GIGYF2: variants seen among roughly 807,000 people sequenced by gnomAD.
GIGYF2 encodes GRB10 interacting GYF protein 2.
A neutral mutation model predicts 208.1 loss-of-function variants in GIGYF2; 25 were observed. That is an observed-to-expected ratio of 0.12 (90% CI 0.09 to 0.17). The LOEUF is 0.17. Among genes scored for constraint, GIGYF2 ranks in the 10% least tolerant of loss-of-function variants. The pLI is 1.00. For missense variants in GIGYF2, 1,302 were observed against 1,579.4 expected (o/e 0.82, Z 2.98); for synonymous variants, 534 against 543.8 (o/e 0.98, Z 0.25).
intron 8 of GIGYF2, chr2:232,768,903 A>G: frequency 1.7e-6 from 2 of 1,185,900 alleles, no homozygotes; most frequent in Non-Finnish European, 2.4e-6. Flanking sequence ...AAATATTTAC[A>G]CATTTCTTGG....
At chr2:232,844,613 G>A (rs772958082) in intron 25 of GIGYF2, 39 bp downstream of exon 25, 1 of 1,422,876 alleles carries the variant, frequency 7.0e-7, no homozygotes, top group African/African-American at 1.4e-5. Flanking sequence ...ACCTTGGTTG[G>A]TTGGGAGGTG....
chr2:232,785,296 T>TA (rs956027832), intron 8 of GIGYF2, among the ~76,000 whole-genome samples: 3 of 152,184 alleles, frequency 2.0e-5, no homozygotes, highest in African/African-American at 7.2e-5. Flanking sequence ...GTTGGGAATC[T>TA]AGAAGCAGCT....
chr2:232,729,776 T>G, intron 2 of GIGYF2: 1 of 751,668 alleles, frequency 1.3e-6, no homozygotes, highest in South Asian at 1.4e-5. Context: ...ATCTATAAGA[T>G]GGAAGACTTG....
intron 14 of GIGYF2, among the ~76,000 whole-genome samples, chr2:232,796,733 G>T (rs1200487977): frequency 6.6e-6 from 1 of 152,086 alleles, no homozygotes; most frequent in Non-Finnish European, 1.5e-5. Context: ...GGTGGCAGGT[G>T]CCTGTAATCC....
intron 3 of GIGYF2, chr2:232,736,184 A>G (rs1697724296): frequency 1.0e-6 from 1 of 978,680 alleles, no homozygotes; most frequent in African/African-American, 1.7e-5. Flanking sequence ...AAGTTCTAAG[A>G]ACCGATGGAA....
At chr2:232,700,929 A>G (rs959333508) in intron 1 of GIGYF2, among the ~76,000 whole-genome samples, 2 of 152,208 alleles carry the variant, frequency 1.3e-5, no homozygotes, top group African/African-American at 4.8e-5. Context: ...CTTTAAAACT[A>G]GAGATTTTTA....
chr2:232,757,890 A>G (rs1457496842), intron 6 of GIGYF2, among the ~76,000 whole-genome samples: 1 of 151,496 alleles, frequency 6.6e-6, no homozygotes, highest in Non-Finnish European at 1.5e-5. Flanking sequence ...AAGGGTTATC[A>G]CATATGATAG....
At position 232,747,946 on chromosome 2, in the gene GIGYF2, C is replaced by T. The variant is rs11679079; in HGVS notation, c.171+202C>T. On this transcript the variant is annotated intron_variant, in intron 4 of 28. Transcript: ENST00000373563. Reference sequence around the variant, plus strand: ...TCACACACTATATTTTAGGCAGCTTCATGGAAACAGGAGAGTAGTCAGCAC... The same window carrying T: ...TCACACACTATATTTTAGGCAGCTTTATGGAAACAGGAGAGTAGTCAGCAC... 0.32 allele frequency among the ~76,000 whole-genome samples: 48,104 copies of T among 152,076 alleles called. 7,965 individuals carry two copies. The highest frequency in any genetic ancestry group is 0.62 in the South Asian group (3,000 of 4,822).
intron 23 of GIGYF2, among the ~76,000 whole-genome samples, chr2:232,840,728 T>C (rs755317548): frequency 1.3e-5 from 2 of 152,022 alleles, no homozygotes; most frequent in African/African-American, 2.4e-5. Flanking sequence ...GGAAGGTGGG[T>C]AGGGAGAGTG....
chr2:232,824,101 C>T (rs899324238), intron 21 of GIGYF2, among the ~76,000 whole-genome samples: 1 of 152,198 alleles, frequency 6.6e-6, no homozygotes, highest in African/African-American at 2.4e-5. Context: ...TGACTATTGA[C>T]TGGCTATTCC....
At position 232,729,625 on chromosome 2, in the gene GIGYF2, T is replaced by C. The variant is rs575259048; in HGVS notation, c.-43-5530T>C. Reference sequence around the variant, plus strand: ...CTGTTCCAACTTTATCATCTTCAACTTCACAACGTATTTGAAGTTTCTTAA... The same window carrying C: ...CTGTTCCAACTTTATCATCTTCAACCTCACAACGTATTTGAAGTTTCTTAA... On this transcript the variant is annotated intron_variant, in intron 2 of 28. Transcript: ENST00000373563. The C allele has an allele frequency of 1.7e-6, 2 of 1,157,814 alleles. 1 individual carries two copies. The allele number at this position is 1,157,814 out of a possible 1,614,324, so 71.7% of individuals were successfully genotyped here. A position where few individuals can be genotyped will look rare whatever the true frequency, so the allele number is the denominator to read the frequency against.
chr2:232,811,208 A>G (rs1350707699), intron 16 of GIGYF2, 36 bp from the exon 17 acceptor site: 1 of 1,128,972 alleles, frequency 8.9e-7, no homozygotes, highest in Non-Finnish European at 1.4e-6. Flanking sequence ...CTAAGTGTGG[A>G]TTGACAGGTT....
intron 19 of GIGYF2, among the ~76,000 whole-genome samples, chr2:232,816,208 G>A (rs1268579337): frequency 6.6e-6 from 1 of 152,200 alleles, no homozygotes; most frequent in Non-Finnish European, 1.5e-5. Context: ...TTTTTTGGAA[G>A]AGCTAAATCT....
chr2:232,737,458 G>A (rs923101924), intron 3 of GIGYF2, among the ~76,000 whole-genome samples: 1 of 152,188 alleles, frequency 6.6e-6, no homozygotes, highest in Non-Finnish European at 1.5e-5. Flanking sequence ...AAATGCTGAT[G>A]CACTGAGGAA....
intron 14 of GIGYF2, among the ~76,000 whole-genome samples, chr2:232,801,291 G>A (rs568313480): frequency 2.6e-5 from 4 of 152,196 alleles, no homozygotes; most frequent in South Asian, 4.1e-4. Context: ...CACTTTGGGA[G>A]TCTGAGGCGG....
At chr2:232,718,224 A>G (rs944247530) in intron 2 of GIGYF2, among the ~76,000 whole-genome samples, 5 of 152,086 alleles carry the variant, frequency 3.3e-5, no homozygotes, top group Non-Finnish European at 5.9e-5. Context: ...CAGCCTCCCA[A>G]GTAGCTAGGA....
At chr2:232,710,249 G>A (rs915327382) in intron 2 of GIGYF2, among the ~76,000 whole-genome samples, 3 of 152,006 alleles carry the variant, frequency 2.0e-5, no homozygotes, top group African/African-American at 2.4e-5. Context: ...GTGAGCCACC[G>A]CGCCTGGCCT....
At position 232,858,579 on chromosome 2, in the gene GIGYF2, G is replaced by T. The variant is rs1441370770; in HGVS notation, c.*1719G>T. ...TTAGGCTCCCTCGGAACTTTTGCCAGTGTGGAGGAAAATAAAAAAGAACTT... is the reference window on the plus strand; with the variant it reads ...TTAGGCTCCCTCGGAACTTTTGCCATTGTGGAGGAAAATAAAAAAGAACTT... On this transcript the variant is annotated 3_prime_UTR_variant, in exon 29 of 29. Transcript: ENST00000373563. 2.2e-6 allele frequency: 1 copy of T among 455,342 alleles called. No homozygotes were observed. The highest frequency in any genetic ancestry group is 4.4e-6 in the Non-Finnish European group (1 of 226,590). The allele number at this position is 455,342 out of a possible 1,614,324, so 28.2% of individuals were successfully genotyped here.
chr2:232,846,014 C>T (rs983297283), intron 26 of GIGYF2, 128 bp downstream of exon 26: 214 of 712,660 alleles, frequency 3.0e-4, no homozygotes, highest in Middle Eastern at 3.0e-4. Context: ...CTGCACCTGC[C>T]ATAGGAACTT....
Sources: gnomAD v4.1 joint callset for allele counts (sites outside exome capture counted in the v4.1 genomes callset) on GRCh38, gnomAD v4.1.1 for gene constraint, MANE v1.5 for transcripts, NCBI Gene and HGNC (gene_info 2026-07-23, HGNC 2026-07-21) for gene names.